Variants in ERICH1 observed in about 807,000 individuals in gnomAD.
ERICH1 encodes the protein glutamate rich 1.
A neutral mutation model predicts 39.6 loss-of-function variants in ERICH1; 56 were observed. The ratio of observed to expected loss-of-function variants is 1.41; its 90% CI spans 1.14 to 1.77. The LOEUF (loss-of-function observed/expected upper bound fraction) is 1.77, where lower values mean the gene tolerates loss of function less well. Among genes scored for constraint, ERICH1 ranks in the 40% most tolerant of loss-of-function variants. The pLI is 0.00. For synonymous variants in ERICH1, 313 were observed against 223.6 expected (o/e 1.40, Z -3.57); for missense variants, 826 against 575.4 (o/e 1.44, Z -4.45).
intron 1 of ERICH1, among the ~76,000 whole-genome samples, chr8:727,435 G>A (rs773291507): frequency 9.2e-5 from 14 of 152,194 alleles, no homozygotes; most frequent in Non-Finnish European, 1.8e-4. Flanking sequence ...GGGAGATGGT[G>A]AACAGGAAGT....
Position 645,105 on chromosome 8 carries a change from G to A in ERICH1, c.976+23493C>T, listed in dbSNP as rs1799408666. The stretch of plus-strand genomic sequence containing the variant: ...ATTTCAGAGGCAAATTCCACACAGA[G>A]CAGTGAACCTGAGTTTCGCTGGCCC... On this transcript the variant is annotated intron_variant, in intron 3 of 3. Coordinates refer to the ERICH1 transcript ENST00000522706. Among the ~76,000 whole-genome samples, 2 of 69,386 alleles carry A rather than the reference G, an allele frequency of 2.9e-5. 1 individual carries two copies. Among genetic ancestry groups the A allele is most frequent in the African/African-American group, 7.3e-5 (2 of 27,470 alleles). 45.5% of individuals were successfully genotyped at this position (69,386 alleles called of 152,430 possible).
intron 3 of ERICH1, among the ~76,000 whole-genome samples, chr8:651,627 A>G (rs1457623484): frequency 1.3e-5 from 2 of 149,698 alleles, no homozygotes; most frequent in Non-Finnish European, 3.0e-5. Flanking sequence ...CCAGAGAGAG[A>G]GCTGGTGGGC....
chr8:706,093 G>C (rs926625358), intron 2 of ERICH1, among the ~76,000 whole-genome samples: 1 of 151,700 alleles, frequency 6.6e-6, no homozygotes, highest in African/African-American at 2.4e-5. Context: ...CAGCCTGGGA[G>C]CAACAGGCTG....
intron 1 of ERICH1, among the ~76,000 whole-genome samples, chr8:717,021 G>A (rs1292406561): frequency 1.3e-5 from 2 of 152,140 alleles, no homozygotes; most frequent in African/African-American, 2.4e-5. Flanking sequence ...AGAGCTCCCC[G>A]TGCCCTCCGT....
At chr8:690,968 AC>A (rs1386999248) in intron 3 of ERICH1, 1 of 152,204 alleles carries the variant, frequency 6.6e-6, no homozygotes, top group East Asian at 1.9e-4. Context: ...TCCCACACTG[AC>A]CTTGGAGGGT....
At chr8:651,115 C>A (rs1348457365) in intron 3 of ERICH1, among the ~76,000 whole-genome samples, 1 of 152,212 alleles carries the variant, frequency 6.6e-6, no homozygotes, top group African/African-American at 2.4e-5. Flanking sequence ...TGGCTTGATT[C>A]AGGCCAACAT....
At chr8:657,725 T>C (rs1800839689) in intron 3 of ERICH1, among the ~76,000 whole-genome samples, 1 of 151,762 alleles carries the variant, frequency 6.6e-6, no homozygotes, top group African/African-American at 2.4e-5. Flanking sequence ...GGGTGGAGAT[T>C]AGAATGATAT....
At chr8:691,466 C>T (rs912736315) in intron 3 of ERICH1, among the ~76,000 whole-genome samples, 2 of 152,352 alleles carry the variant, frequency 1.3e-5, no homozygotes, top group East Asian at 1.9e-4. Flanking sequence ...TACAACGGGG[C>T]GAGAGCGCCA....
At chr8:730,141 G>A (rs1490987200) in intron 1 of ERICH1, among the ~76,000 whole-genome samples, 3 of 152,150 alleles carry the variant, frequency 2.0e-5, no homozygotes, top group Non-Finnish European at 2.9e-5. Flanking sequence ...CCATTTTAGA[G>A]CCTAGCATGT....
downstream of ERICH1, among the ~76,000 whole-genome samples, chr8:663,895 G>A (rs1340816034): frequency 1.3e-5 from 2 of 152,068 alleles, no homozygotes; most frequent in Non-Finnish European, 2.9e-5. Flanking sequence ...GAGTAGCTGG[G>A]ACTACAGGCG....
At chr8:618,239 C>T (rs1201137651) in intron 3 of ERICH1, among the ~76,000 whole-genome samples, 4 of 151,190 alleles carry the variant, frequency 2.6e-5, no homozygotes, top group African/African-American at 7.3e-5. Flanking sequence ...TCTGAGTGCT[C>T]GGTACTTGGT....
intron 3 of ERICH1, among the ~76,000 whole-genome samples, chr8:655,660 A>ATTCATTCCTTCC (rs1800550055): frequency 7.0e-6 from 1 of 142,984 alleles, no homozygotes; most frequent in Admixed American, 7.0e-5. Flanking sequence ...TGTCCTCTGC[A>ATTCATTCCTTCC]TTCCTTCCTT....
chr8:706,411 C>T (rs1195320380), intron 2 of ERICH1, among the ~76,000 whole-genome samples: 2 of 152,130 alleles, frequency 1.3e-5, no homozygotes, highest in Non-Finnish European at 2.9e-5. Flanking sequence ...GAATAAAATA[C>T]TTTGGAATAC....
At chr8:616,302 A>G in intron 3 of ERICH1, 1 of 308,922 alleles carries the variant, frequency 3.2e-6, no homozygotes, top group Non-Finnish European at 6.5e-6. Flanking sequence ...GTGGCAGGAC[A>G]AGCATGGGGC....
rs767337318 is a variant in ERICH1, at chr8:673,467, C to T, written c.885G>A (p.Glu295=). Residue 295 remains glutamate, a synonymous_variant, in exon 4 of 6, where the codon GAG becomes GAA. Coordinates refer to ENST00000262109, the MANE Select transcript of ERICH1 (RefSeq NM_207332.3). ...AGEEDGKDTR[E]EDGADASEED... ...CCTCGCTGGCGTCCGCACCGTCCTC[C>T]TCCCTGGTGTCTTTACCGTCTTCCT... is the stretch of plus-strand genomic sequence containing the variant. 3.7e-6 allele frequency: 6 copies of T among 1,611,876 alleles called. No homozygotes were observed. The South Asian group carries it at 6.6e-5, about 18-fold the overall frequency.
At chr8:690,622 C>A (rs986217713) in intron 3 of ERICH1, among the ~76,000 whole-genome samples, 2 of 152,240 alleles carry the variant, frequency 1.3e-5, no homozygotes, top group African/African-American at 2.4e-5. Context: ...AGGTATGCCA[C>A]CCCTGCCTGG....
chr8:707,936 G>A (rs995125142), intron 2 of ERICH1, among the ~76,000 whole-genome samples: 5 of 152,064 alleles, frequency 3.3e-5, no homozygotes, highest in African/African-American at 4.8e-5. Context: ...AACCAATTCC[G>A]ACAACTCAGC....
intron 3 of ERICH1, chr8:627,045 G>A (rs1336620184): frequency 2.5e-5 from 11 of 448,712 alleles, no homozygotes; most frequent in South Asian, 9.3e-5. Flanking sequence ...CTGTCTCCTC[G>A]GAGGGCCAGG....
At chr8:685,260 G>T (rs976287296) in intron 3 of ERICH1, among the ~76,000 whole-genome samples, 2 of 152,158 alleles carry the variant, frequency 1.3e-5, no homozygotes, top group African/African-American at 2.4e-5. Context: ...CCCGTTTTCG[G>T]CAATAAGAGA....
Sources: allele counts gnomAD v4.1 joint callset (sites outside exome capture counted in the v4.1 genomes callset), GRCh38; gene constraint gnomAD v4.1.1; transcripts MANE v1.5; gene names NCBI Gene and HGNC (gene_info 2026-07-23, HGNC 2026-07-21).